The following PLXNA4 variants were observed in gnomAD, a reference collection of about 807,000 sequenced individuals.
PLXNA4 encodes plexin A4.
Under a neutral mutation model 191.8 loss-of-function variants are expected in PLXNA4, and 44 were observed. The ratio of observed to expected loss-of-function variants is 0.23; its 90% CI spans 0.18 to 0.29. PLXNA4 has a LOEUF of 0.29. PLXNA4 is among the 10% of genes least tolerant of loss of function. The pLI, the probability that PLXNA4 is intolerant of heterozygous loss-of-function variation, is 1.00. For synonymous variants in PLXNA4, 1,082 were observed against 1,009.5 expected, an observed-to-expected ratio of 1.07 and a Z score of -1.36; for missense variants, 1,800 against 2,488.8, an observed-to-expected ratio of 0.72 and a Z score of 5.89.
At chr7:132,576,608 C>T (rs947467689), upstream of PLXNA4, 2 of 985,960 alleles carry the variant, frequency 2.0e-6, no homozygotes, top group Non-Finnish European at 2.4e-6. The surrounding 1 kb of genome is among the most constrained non-coding windows in gnomAD (Gnocchi z 5.8). Context: ...AGCCGAGGAA[C>T]GCGGAGGGCG....
In PLXNA4 at chr7:132,185,795, A is replaced by G. The variant is rs189580796; in HGVS notation, c.2994-332T>C. Among the ~76,000 whole-genome samples the G allele has an allele frequency of 8.5e-5, 13 of 152,326 alleles. No individual in the cohort carries two copies. The East Asian group carries it at 1.9e-3, about 23-fold the overall frequency. Reference sequence around the variant, plus strand: ...ATCACCCTGGCCTGCCTTTGCAAGAATCACGTTAAGTTGGTTTAGCAGGAG... The same window carrying G: ...ATCACCCTGGCCTGCCTTTGCAAGAGTCACGTTAAGTTGGTTTAGCAGGAG... On this transcript the variant is annotated intron_variant, in intron 15 of 31. Transcript: ENST00000321063.
rs2671103 is a variant in PLXNA4, at chr7:132,130,551, A to T, written c.5613T>A (p.Asp1871Glu). The change falls in exon 32 of 32, where the codon GAT becomes GAA. Residue 1871 changes from aspartate (D) to glutamate (E), a missense_variant. Asp to Glu is a conservative substitution (Grantham distance 45). Coordinates refer to ENST00000321063, the MANE Select transcript of PLXNA4 (RefSeq NM_020911.2). ...CCAGTTTCTGCTTCCCACACTGGTC[A>T]TCGTGGTCCAGAGGTCCAAGGATCT... ...SEEILGPLDH[D>E]DQCGKQKLAY... is the part of the protein sequence containing the mutation. 2 of 1,613,862 alleles carry T rather than the reference A, an allele frequency of 1.2e-6. No individual in the cohort carries two copies. Among genetic ancestry groups the T allele is most frequent in the African/African-American group, 2.7e-5 (2 of 74,876 alleles).
intron 2 of PLXNA4, among the ~76,000 whole-genome samples, chr7:132,603,081 T>C (rs1421297554): frequency 2.0e-5 from 3 of 152,130 alleles, no homozygotes; most frequent in African/African-American, 7.2e-5. Context: ...AATAAAAGCA[T>C]TTAAAAGTTT....
chr7:132,198,140 G>A (rs1057043046), intron 13 of PLXNA4, among the ~76,000 whole-genome samples: 22 of 152,124 alleles, frequency 1.4e-4, no homozygotes, highest in Non-Finnish European at 2.1e-4. Flanking sequence ...GGATGTGAGC[G>A]GGAAGTTGAG....
At chr7:132,400,756 GTCC>G (rs1208769658) in intron 3 of PLXNA4, among the ~76,000 whole-genome samples, 1 of 152,168 alleles carries the variant, frequency 6.6e-6, no homozygotes, top group Non-Finnish European at 1.5e-5. Flanking sequence ...GTCCCTAGAT[GTCC>G]TCCTCGGGAA....
intron 9 of PLXNA4, among the ~76,000 whole-genome samples, chr7:132,214,615 A>G (rs1797908230): frequency 6.6e-6 from 1 of 151,778 alleles, no homozygotes; most frequent in African/African-American, 2.4e-5. Context: ...ATGCAAAATC[A>G]CCTACAGATC....
At chr7:132,355,861 AAGTGTACG>A (rs780608971) in intron 3 of PLXNA4, among the ~76,000 whole-genome samples, 5 of 152,080 alleles carry the variant, frequency 3.3e-5, no homozygotes, top group Non-Finnish European at 7.4e-5. Flanking sequence ...TCATTTTGTA[AAGTGTACG>A]AGGAGGTAGG....
intron 3 of PLXNA4, among the ~76,000 whole-genome samples, chr7:132,322,184 CTTTT>C (rs5887566): frequency 3.3e-5 from 4 of 122,516 alleles, no homozygotes; most frequent in East Asian, 2.2e-4. Flanking sequence ...CCTAAAAGGG[CTTTT>C]TTTTTTTTTT....
intron 4 of PLXNA4, among the ~76,000 whole-genome samples, chr7:132,280,442 T>C (rs914460242): frequency 2.0e-5 from 3 of 152,208 alleles, no homozygotes; most frequent in African/African-American, 7.2e-5. Flanking sequence ...TGAAAACTGC[T>C]CTCAAGCTCC....
Position 132,507,591 on chromosome 7 carries a change from T to A in PLXNA4, c.1103A>T (p.Lys368Met). 1 of 1,614,210 alleles carries A rather than the reference T, an allele frequency of 6.2e-7. No homozygotes were observed. Among genetic ancestry groups the A allele is most frequent in the Non-Finnish European group, 8.5e-7 (1 of 1,180,036 alleles). ...CCGGTAACAAGACTGCAGCCGCTCC[T>A]TAATGCGGTCATTTATCTGCTTCAA... is the stretch of plus-strand genomic sequence containing the variant. Reference protein sequence around the residue: ...FILKQINDRIKERLQSCYRGE... With the variant: ...FILKQINDRIMERLQSCYRGE... The change falls in exon 2 of 32, where the codon AAG becomes ATG. Residue 368 changes from lysine to methionine, a missense_variant. This residue lies in a region of PLXNA4 where 1,397 missense variants were observed against 1,880.4 expected (regional missense o/e 0.74). Coordinates refer to ENST00000321063, the MANE Select transcript of PLXNA4 (RefSeq NM_020911.2).
At chr7:132,598,651 G>A (rs1373188255) in intron 2 of PLXNA4, among the ~76,000 whole-genome samples, 1 of 152,034 alleles carries the variant, frequency 6.6e-6, no homozygotes, top group Admixed American at 6.5e-5. Context: ...TTGTTGATTT[G>A]CAAGAATTTC....
intron 2 of PLXNA4, among the ~76,000 whole-genome samples, chr7:132,499,697 G>T (rs1443577001): frequency 6.6e-6 from 1 of 152,176 alleles, no homozygotes; most frequent in African/African-American, 2.4e-5. Flanking sequence ...TTATGGGGTA[G>T]GTCATTCCCT....
chr7:132,607,766 T>A (rs1802954602), intron 2 of PLXNA4, among the ~76,000 whole-genome samples: 1 of 152,150 alleles, frequency 6.6e-6, no homozygotes, highest in Non-Finnish European at 1.5e-5. Flanking sequence ...CAGCATCACA[T>A]CATCATTATC....
At chr7:132,146,761 T>TA in intron 27 of PLXNA4, 61 bp from the exon 28 acceptor site, 3 of 1,588,820 alleles carry the variant, frequency 1.9e-6, no homozygotes, top group Non-Finnish European at 2.6e-6. Flanking sequence ...GCCCATCACT[T>TA]ACCATGCATC....
intron 1 of PLXNA4, among the ~76,000 whole-genome samples, chr7:132,562,044 T>A: frequency 7.8e-6 from 1 of 128,762 alleles, no homozygotes; most frequent in Non-Finnish European, 1.6e-5. Flanking sequence ...CTCCTCTTCC[T>A]CCTCCTCTCC....
intron 1 of PLXNA4, among the ~76,000 whole-genome samples, chr7:132,510,541 G>A (rs748328950): frequency 1.3e-5 from 2 of 152,168 alleles, no homozygotes; most frequent in Non-Finnish European, 2.9e-5. Flanking sequence ...CTCAACGAAT[G>A]CGTAGTCAAA....
intron 4 of PLXNA4, among the ~76,000 whole-genome samples, chr7:132,290,469 C>T (rs550873984): frequency 6.6e-6 from 1 of 152,368 alleles, no homozygotes; most frequent in South Asian, 2.1e-4. Context: ...GCCTCACTGA[C>T]ATTTCCCCTC....
At chr7:132,323,573 G>T (rs534793230) in intron 3 of PLXNA4, among the ~76,000 whole-genome samples, 4 of 152,012 alleles carry the variant, frequency 2.6e-5, no homozygotes, top group African/African-American at 9.7e-5. Context: ...TCTTCCTCCT[G>T]CTCCACGGCT....
intron 4 of PLXNA4, among the ~76,000 whole-genome samples, chr7:132,285,919 C>T (rs928144388): frequency 1.1e-4 from 16 of 152,012 alleles, no homozygotes; most frequent in African/African-American, 3.9e-4. Context: ...GTGGTCAAGG[C>T]CCACCCACCA....
Sources: gnomAD v4.1 joint callset for allele counts (sites outside exome capture counted in the v4.1 genomes callset) on GRCh38, gnomAD v4.1.1 for gene constraint, gnomAD v4.1.1 regional missense constraint, Gnocchi (gnomAD v3.1) non-coding constraint, MANE v1.5 for transcripts, NCBI Gene and HGNC (gene_info 2026-07-23, HGNC 2026-07-21) for gene names.